The following MAGI2 variants were observed in gnomAD, a reference collection of about 807,000 sequenced individuals.
The protein encoded by MAGI2 is membrane-associated guanylate kinase, WW and PDZ domain-containing protein 2.
A neutral mutation model predicts 133.3 loss-of-function variants in MAGI2; 35 were observed. The ratio of observed to expected loss-of-function variants is 0.26; its 90% CI spans 0.20 to 0.35. The LOEUF (loss-of-function observed/expected upper bound fraction) is 0.35, where lower values mean the gene tolerates loss of function less well. Ranked by LOEUF, MAGI2 falls within the 10% of genes least tolerant of loss-of-function variation. The pLI is 1.00. For missense variants in MAGI2, 1,636 were observed against 1,863.4 expected (o/e 0.88, Z 2.25); for synonymous variants, 729 against 710.6 (o/e 1.03, Z -0.41).
At chr7:79,197,476 T>C (rs1828184664) in intron 1 of MAGI2, among the ~76,000 whole-genome samples, 1 of 151,994 alleles carries the variant, frequency 6.6e-6, no homozygotes, top group Non-Finnish European at 1.5e-5. Context: ...TTGCTCCAAG[T>C]CTAGTTCTGC....
At chr7:78,930,298 T>A (rs1318905390) in intron 2 of MAGI2, among the ~76,000 whole-genome samples, 2 of 152,138 alleles carry the variant, frequency 1.3e-5, no homozygotes, top group East Asian at 3.9e-4. Context: ...CCTAAATGCA[T>A]CAAGCATGCT....
At chr7:78,428,727 T>G (rs985997242) in intron 6 of MAGI2, among the ~76,000 whole-genome samples, 5 of 152,246 alleles carry the variant, frequency 3.3e-5, no homozygotes, top group Non-Finnish European at 7.4e-5. Context: ...TGGAATTACC[T>G]CTGGTTTCTA....
At chr7:79,108,608 C>T (rs1818640474) in intron 1 of MAGI2, among the ~76,000 whole-genome samples, 1 of 152,160 alleles carries the variant, frequency 6.6e-6, no homozygotes, top group Non-Finnish European at 1.5e-5. Context: ...TACTTTGTCT[C>T]ATGTTAACTT....
chr7:78,779,020 C>G (rs1476275470), intron 2 of MAGI2, among the ~76,000 whole-genome samples: 1 of 150,674 alleles, frequency 6.6e-6, no homozygotes, highest in Non-Finnish European at 1.5e-5. Flanking sequence ...GATTCTCCTT[C>G]CTCAGCCTCC....
intron 1 of MAGI2, among the ~76,000 whole-genome samples, chr7:79,358,167 C>T (rs571396720): frequency 6.6e-6 from 1 of 152,074 alleles, no homozygotes; most frequent in South Asian, 2.1e-4. Flanking sequence ...TAGTAACTTT[C>T]CTCTTTTTTT....
chr7:78,604,562 G>C (rs908298215), intron 3 of MAGI2, among the ~76,000 whole-genome samples: 1 of 152,070 alleles, frequency 6.6e-6, no homozygotes, highest in Non-Finnish European at 1.5e-5. Context: ...ACTACTCTAG[G>C]AACTGGAGAA....
chr7:79,182,043 C>T lies in MAGI2; in HGVS notation c.302-174837G>A, dbSNP rs28767848. On this transcript the variant is annotated intron_variant, in intron 1 of 21. Transcript: ENST00000354212. ...TTGGTCAAAGCCATTCAAGAAGTCT[C>T]GAGGGAGCTCTAAACTGTCCCACAT... 1.7e-3 allele frequency among the ~76,000 whole-genome samples: 262 copies of T among 152,110 alleles called. 6 individuals are homozygous for T. Among genetic ancestry groups the T allele is most frequent in the African/African-American group, 6.0e-3 (248 of 41,432 alleles).
At chr7:78,576,168 A>T (rs1802246268) in intron 3 of MAGI2, among the ~76,000 whole-genome samples, 1 of 152,178 alleles carries the variant, frequency 6.6e-6, no homozygotes, top group Non-Finnish European at 1.5e-5. Context: ...AACAAAAACA[A>T]CAACAACAAA....
At chr7:79,394,774 T>C (rs1049911065) in intron 1 of MAGI2, among the ~76,000 whole-genome samples, 1 of 152,238 alleles carries the variant, frequency 6.6e-6, no homozygotes, top group Non-Finnish European at 1.5e-5. Context: ...TTTTAATGTT[T>C]TTAATGTTTC....
chr7:78,203,420 C>A (rs980119039), intron 10 of MAGI2, among the ~76,000 whole-genome samples: 2 of 152,140 alleles, frequency 1.3e-5, no homozygotes, highest in African/African-American at 2.4e-5. Context: ...TAAGCAGGAG[C>A]CTGGTGGAGA....
chr7:78,363,418 G>A (rs1044902216), intron 7 of MAGI2, among the ~76,000 whole-genome samples: 3 of 152,094 alleles, frequency 2.0e-5, no homozygotes, highest in Non-Finnish European at 4.4e-5. Context: ...GCGCGAACCC[G>A]GGAGGCGGAG....
chr7:79,419,797 T>G (rs1434470675), intron 1 of MAGI2, among the ~76,000 whole-genome samples: 2 of 152,086 alleles, frequency 1.3e-5, no homozygotes, highest in Admixed American at 1.3e-4. Context: ...AAACTTTAAA[T>G]AGACTATTTG....
intron 10 of MAGI2, among the ~76,000 whole-genome samples, chr7:78,243,572 C>T (rs946871587): frequency 8.5e-5 from 13 of 152,106 alleles, no homozygotes; most frequent in Admixed American, 5.9e-4. Flanking sequence ...TCACTCAAAG[C>T]TATGATATAG....
intron 1 of MAGI2, among the ~76,000 whole-genome samples, chr7:79,266,015 A>AT (rs147534102): frequency 0.039 from 5,874 of 152,164 alleles, 177 homozygotes; most frequent in African/African-American, 0.076. Context: ...AAAAATAATG[A>AT]TTTTTTCTGC....
chr7:78,646,278 C>T (rs149066256), intron 2 of MAGI2, among the ~76,000 whole-genome samples: 162 of 152,148 alleles, frequency 1.1e-3, no homozygotes, highest in Non-Finnish European at 1.8e-3. Flanking sequence ...ATTATTTCTT[C>T]TCTGTTTCTG....
intron 16 of MAGI2, among the ~76,000 whole-genome samples, chr7:78,139,575 GGGAACTGCC>G (rs1344422244): frequency 1.3e-5 from 2 of 152,178 alleles, no homozygotes; most frequent in Non-Finnish European, 2.9e-5. Context: ...TGATGACTAA[GGGAACTGCC>G]GGAGCACAGT....
At chr7:78,754,680 A>G (rs1402299374) in intron 2 of MAGI2, among the ~76,000 whole-genome samples, 1 of 152,210 alleles carries the variant, frequency 6.6e-6, no homozygotes, top group African/African-American at 2.4e-5. Context: ...GGCAATCAAT[A>G]TAAAAAGCAT....
chr7:78,881,166 G>C (rs1242227736), intron 2 of MAGI2, among the ~76,000 whole-genome samples: 3 of 152,062 alleles, frequency 2.0e-5, no homozygotes, highest in South Asian at 2.1e-4. Context: ...AGATCATCAA[G>C]GCAGAAAACT....
At chr7:78,638,468 T>A (rs1809913516) in intron 2 of MAGI2, among the ~76,000 whole-genome samples, 1 of 152,234 alleles carries the variant, frequency 6.6e-6, no homozygotes, top group Non-Finnish European at 1.5e-5. Flanking sequence ...ATTACTTTCT[T>A]CATGATATTT....
Sources: allele counts gnomAD v4.1 joint callset (sites outside exome capture counted in the v4.1 genomes callset), GRCh38; gene constraint gnomAD v4.1.1; transcripts MANE v1.5; gene names NCBI Gene and HGNC (gene_info 2026-07-23, HGNC 2026-07-21).